The following SNX29 variants were observed in gnomAD, a reference collection of about 807,000 sequenced individuals.
SNX29 encodes sorting nexin 29.
A neutral mutation model predicts 102.1 loss-of-function variants in SNX29; 78 were observed. That is an observed-to-expected ratio of 0.76 (90% confidence interval 0.64 to 0.92). The LOEUF (loss-of-function observed/expected upper bound fraction) is 0.92, where lower values mean the gene tolerates loss of function less well. Among genes scored for constraint, SNX29 ranks in the 40% least tolerant of loss-of-function variants. The pLI, the probability that SNX29 is intolerant of heterozygous loss-of-function variation, is 0.00. For missense variants in SNX29, 1,280 were observed against 1,061.7 expected, an observed-to-expected ratio of 1.21 and a Z score of -2.86; for synonymous variants, 580 against 414.5, an observed-to-expected ratio of 1.40 and a Z score of -4.85.
At chr16:12,001,620 T>C (rs62037698) in intron 2 of SNX29, among the ~76,000 whole-genome samples, 6,505 of 152,010 alleles carry the variant, frequency 0.043, 206 homozygotes, top group Non-Finnish European at 0.056. Context: ...CATATACACA[T>C]ACACACACAC....
intron 13 of SNX29, among the ~76,000 whole-genome samples, chr16:12,145,680 T>G (rs1047358208): frequency 6.6e-6 from 1 of 152,246 alleles, no homozygotes; most frequent in African/African-American, 2.4e-5. Context: ...CAGGTCATTC[T>G]GAATCTATAA....
chr16:12,463,959 C>A (rs1237298059), intron 18 of SNX29, among the ~76,000 whole-genome samples: 3 of 151,882 alleles, frequency 2.0e-5, no homozygotes, highest in African/African-American at 7.3e-5. Context: ...CAGAACTTAT[C>A]TTCTAAGAGA....
At chr16:12,129,859 C>T (rs1172069645) in intron 13 of SNX29, 101 bp downstream of exon 13, 1 of 1,382,312 alleles carries the variant, frequency 7.2e-7, no homozygotes, top group Non-Finnish European at 9.6e-7. Flanking sequence ...AATCCCAGCA[C>T]TTTGGGAGGC....
intron 18 of SNX29, among the ~76,000 whole-genome samples, chr16:12,422,022 C>A (rs916131324): frequency 6.6e-6 from 1 of 152,192 alleles, no homozygotes; most frequent in African/African-American, 2.4e-5. Flanking sequence ...CATCGTCAGC[C>A]ATCCATAGCA....
intron 14 of SNX29, among the ~76,000 whole-genome samples, chr16:12,218,974 C>T (rs908705752): frequency 4.6e-5 from 7 of 152,112 alleles, no homozygotes; most frequent in African/African-American, 1.7e-4. Flanking sequence ...CGGGGTTTCA[C>T]TGTGTTAGCC....
intron 13 of SNX29, among the ~76,000 whole-genome samples, chr16:12,167,927 G>A (rs561247235): frequency 1.7e-4 from 26 of 152,278 alleles, no homozygotes; most frequent in African/African-American, 5.5e-4. Context: ...AGGAGACTGC[G>A]TGGCTCACAG....
At chr16:12,043,865 G>T (rs915609758) in intron 5 of SNX29, among the ~76,000 whole-genome samples, 1 of 152,076 alleles carries the variant, frequency 6.6e-6, no homozygotes, top group South Asian at 2.1e-4. Flanking sequence ...CGATTCTCCT[G>T]CCTCAGCCTC....
At chr16:12,566,597 C>G (rs1042924374) in intron 20 of SNX29, among the ~76,000 whole-genome samples, 2 of 152,332 alleles carry the variant, frequency 1.3e-5, no homozygotes, top group Middle Eastern at 3.4e-3. Flanking sequence ...CTTCCTGTAT[C>G]TAAGAATCAG....
intron 3 of SNX29, among the ~76,000 whole-genome samples, chr16:12,009,668 G>A (rs931792478): frequency 4.6e-5 from 7 of 152,184 alleles, no homozygotes; most frequent in Middle Eastern, 3.4e-3. Flanking sequence ...TGAAATGCGC[G>A]CTTCTCTTTG....
chr16:12,138,471 G>C lies in SNX29; in HGVS notation c.1595+8713G>C, dbSNP rs2054745237. On this transcript the variant is annotated intron_variant, in intron 13 of 20. Transcript: ENST00000566228. Reference sequence around the variant, plus strand: ...AATCTGCCTGCCTTGGCCTCCTAAAGTGCTGGGCTTATAGGCGTGAGCCAC... The same window carrying C: ...AATCTGCCTGCCTTGGCCTCCTAAACTGCTGGGCTTATAGGCGTGAGCCAC... Among the ~76,000 whole-genome samples, 3 of 152,206 alleles carry C rather than the reference G, an allele frequency of 2.0e-5. No homozygotes were observed. In the South Asian group the frequency reaches 6.2e-4, roughly 31 times the overall value.
chr16:11,983,075 C>T (rs1028854377), intron 1 of SNX29, among the ~76,000 whole-genome samples: 4 of 151,890 alleles, frequency 2.6e-5, no homozygotes, highest in Admixed American at 6.6e-5. Context: ...GGATTACGGG[C>T]GTGCACCACC....
chr16:12,051,774 G>T, intron 7 of SNX29, 73 bp from the exon 8 acceptor site: 1 of 1,565,358 alleles, frequency 6.4e-7, no homozygotes, highest in Non-Finnish European at 8.6e-7. Context: ...TAACCTGGAG[G>T]TGAGTTGGTT....
At chr16:12,056,551 C>A (rs11865036) in intron 8 of SNX29, among the ~76,000 whole-genome samples, 1 of 151,896 alleles carries the variant, frequency 6.6e-6, no homozygotes, top group South Asian at 2.1e-4. Flanking sequence ...GAGGGGAATG[C>A]AGCCAGACCA....
At position 12,571,832 on chromosome 16, in the gene SNX29, A is replaced by C; in HGVS notation, c.*3203A>C. ...ATTCCAGCTTCTTTGATTCCCACTT[A>C]GCAGTATGCTCCAATCACGTTGCTG... On this transcript the variant is annotated 3_prime_UTR_variant, in exon 21 of 21. Coordinates refer to ENST00000566228, the MANE Select transcript of SNX29 (RefSeq NM_032167.5). 1.9e-6 allele frequency: 2 copies of C among 1,044,712 alleles called. No individual in the cohort carries two copies. The highest frequency in any genetic ancestry group is 5.1e-5 in the East Asian group (1 of 19,470). 64.7% of individuals were successfully genotyped at this position (1,044,712 alleles called of 1,614,324 possible).
intron 1 of SNX29, among the ~76,000 whole-genome samples, chr16:11,983,108 T>G (rs2055462251): frequency 6.6e-6 from 1 of 152,014 alleles, no homozygotes; most frequent in Non-Finnish European, 1.5e-5. Flanking sequence ...TTTTTTGTAT[T>G]TTTAGCAGAG....
intron 13 of SNX29, among the ~76,000 whole-genome samples, chr16:12,174,352 C>T (rs1161437626): frequency 6.6e-6 from 1 of 152,192 alleles, no homozygotes; most frequent in Non-Finnish European, 1.5e-5. Flanking sequence ...GCCTAGTGAC[C>T]TCTTTGACTG....
chr16:12,534,702 G>A (rs954887688), intron 20 of SNX29, among the ~76,000 whole-genome samples: 8 of 152,270 alleles, frequency 5.3e-5, no homozygotes, highest in South Asian at 4.1e-4. Flanking sequence ...TTTTCTTGGC[G>A]TTGCCACTCC....
chr16:12,086,572 G>A (rs2052203354), intron 11 of SNX29, among the ~76,000 whole-genome samples: 2 of 151,906 alleles, frequency 1.3e-5, no homozygotes, highest in Non-Finnish European at 2.9e-5. Flanking sequence ...CACCCCGCCC[G>A]GCTGTGTTTT....
At chr16:11,983,752 G>A in intron 1 of SNX29, 1 of 971,764 alleles carries the variant, frequency 1.0e-6, no homozygotes. Context: ...CTTAAAATTT[G>A]GAACTAAAAT....
Sources: allele counts gnomAD v4.1 joint callset (sites outside exome capture counted in the v4.1 genomes callset), GRCh38; gene constraint gnomAD v4.1.1; transcripts MANE v1.5; gene names NCBI Gene and HGNC (gene_info 2026-07-23, HGNC 2026-07-21).